The following SCAMP1 variants were observed in gnomAD, a reference collection of about 807,000 sequenced individuals.
SCAMP1 encodes the protein secretory carrier membrane protein 1.
Under a neutral mutation model 41.8 loss-of-function variants are expected in SCAMP1, and 15 were observed. The ratio of observed to expected loss-of-function variants is 0.36; its 90% CI spans 0.24 to 0.55. SCAMP1 has a LOEUF of 0.55. Ranked by LOEUF, SCAMP1 falls within the 20% of genes least tolerant of loss-of-function variation. The probability of loss-of-function intolerance (pLI) is 0.86; values close to 1 mark genes in which losing one functional copy is unlikely to be tolerated. For synonymous variants in SCAMP1, 135 were observed against 136.8 expected, an observed-to-expected ratio of 0.99 and a Z score of 0.09; for missense variants, 341 against 412.6, an observed-to-expected ratio of 0.83 and a Z score of 1.50.
intron 8 of SCAMP1, among the ~76,000 whole-genome samples, chr5:78,460,804 C>CTTT (rs1338982922): frequency 2.0e-4 from 5 of 24,764 alleles, no homozygotes; most frequent in South Asian, 1.9e-3. Context: ...TTCCTTCCTT[C>CTTT]CTCCCTTCCT....
At chr5:78,452,620 G>T in intron 7 of SCAMP1, among the ~76,000 whole-genome samples, 1 of 150,820 alleles carries the variant, frequency 6.6e-6, no homozygotes, top group Non-Finnish European at 1.5e-5. Context: ...CCAAGTCTTT[G>T]CCATTGTGAA....
At chr5:78,439,887 C>T (rs1482062462) in intron 6 of SCAMP1, among the ~76,000 whole-genome samples, 1 of 152,134 alleles carries the variant, frequency 6.6e-6, no homozygotes, top group Non-Finnish European at 1.5e-5. Context: ...CACATAGTCC[C>T]ATGTTTCTTG....
At chr5:78,396,368 C>G (rs919708135) in intron 2 of SCAMP1, among the ~76,000 whole-genome samples, 4 of 152,178 alleles carry the variant, frequency 2.6e-5, no homozygotes, top group African/African-American at 9.6e-5. Flanking sequence ...TATGGAAAAT[C>G]TCTGTACCTT....
chr5:78,377,289 C>G (rs757476245), intron 1 of SCAMP1, among the ~76,000 whole-genome samples: 4 of 152,198 alleles, frequency 2.6e-5, no homozygotes, highest in African/African-American at 2.4e-5. Context: ...CTGCTGCTCT[C>G]TGCTCCCTTT....
intron 6 of SCAMP1, among the ~76,000 whole-genome samples, chr5:78,441,924 C>T (rs1752933428): frequency 6.6e-6 from 1 of 152,144 alleles, no homozygotes; most frequent in Non-Finnish European, 1.5e-5. Context: ...GAGCTTGGTG[C>T]TCGAGACCAG....
chr5:78,423,313 A>C (rs1367820760), intron 6 of SCAMP1, among the ~76,000 whole-genome samples: 1 of 152,218 alleles, frequency 6.6e-6, no homozygotes, highest in African/African-American at 2.4e-5. Flanking sequence ...CTTCTCCTGT[A>C]GAGATGGGTT....
chr5:78,462,848 G>A (rs1016944101), intron 8 of SCAMP1, among the ~76,000 whole-genome samples: 6 of 152,052 alleles, frequency 3.9e-5, no homozygotes, highest in African/African-American at 1.2e-4. Flanking sequence ...TATTTTATAT[G>A]TATTCAAACA....
intron 1 of SCAMP1, among the ~76,000 whole-genome samples, chr5:78,374,873 T>G (rs1302612744): frequency 1.3e-5 from 2 of 152,134 alleles, no homozygotes; most frequent in African/African-American, 2.4e-5. Context: ...CATGATTTAT[T>G]GAATAATTCC....
intron 8 of SCAMP1, among the ~76,000 whole-genome samples, chr5:78,469,175 C>T (rs913578961): frequency 1.2e-4 from 19 of 152,092 alleles, no homozygotes; most frequent in Admixed American, 1.0e-3. Context: ...TTGTCTCTTC[C>T]ACTTTGTAAC....
At chr5:78,449,374 TA>T (rs1321009089) in intron 6 of SCAMP1, among the ~76,000 whole-genome samples, 1 of 151,976 alleles carries the variant, frequency 6.6e-6, no homozygotes, top group African/African-American at 2.4e-5. Context: ...CTGTGCTGAG[TA>T]AAATAAGCCA....
intron 1 of SCAMP1, among the ~76,000 whole-genome samples, chr5:78,377,440 AT>A (rs1751093667): frequency 6.6e-6 from 1 of 152,176 alleles, no homozygotes; most frequent in African/African-American, 2.4e-5. Context: ...GATTGGATTG[AT>A]TAGCAGTTAG....
At chr5:78,419,390 A>C (rs149534607) in intron 5 of SCAMP1, among the ~76,000 whole-genome samples, 1 of 152,326 alleles carries the variant, frequency 6.6e-6, no homozygotes, top group African/African-American at 2.4e-5. Context: ...CAATTGCGAT[A>C]CTTTTATTAT....
chr5:78,480,468 C>A lies in SCAMP1; in HGVS notation c.*4800C>A, dbSNP rs187629424. ...TATGCCAGTGATTCTCAAGATAAAT[C>A]ATGATTGTAGTAGTTGTTACTGTTG... On this transcript the variant is annotated 3_prime_UTR_variant, in exon 9 of 9. Transcript: ENST00000621999. Among the ~76,000 whole-genome samples, 1 of 152,146 alleles carries A rather than the reference C, an allele frequency of 6.6e-6. No homozygotes were observed. Among genetic ancestry groups the A allele is most frequent in the Non-Finnish European group, 1.5e-5 (1 of 68,028 alleles).
chr5:78,425,234 A>T (rs1172203875), intron 6 of SCAMP1, among the ~76,000 whole-genome samples: 1 of 152,212 alleles, frequency 6.6e-6, no homozygotes, highest in Non-Finnish European at 1.5e-5. Flanking sequence ...CTTTTTAATT[A>T]TGATGTATTT....
chr5:78,434,963 G>C (rs936458342), intron 6 of SCAMP1, among the ~76,000 whole-genome samples: 1 of 152,152 alleles, frequency 6.6e-6, no homozygotes, highest in African/African-American at 2.4e-5. Flanking sequence ...GTACACATCT[G>C]ATTTTTAAAA....
At chr5:78,412,132 A>T (rs922302732) in intron 2 of SCAMP1, among the ~76,000 whole-genome samples, 2 of 152,016 alleles carry the variant, frequency 1.3e-5, no homozygotes, top group African/African-American at 2.4e-5. Flanking sequence ...ACCTAGTGAA[A>T]TGTATTAACT....
In SCAMP1 at chr5:78,477,273, A is replaced by C. The variant is rs1220113212; in HGVS notation, c.*1605A>C. The C allele has an allele frequency of 6.6e-6, 1 of 152,072 alleles. No individual in the cohort carries two copies. Among genetic ancestry groups the C allele is most frequent in the African/African-American group, 2.4e-5 (1 of 41,420 alleles). 9.4% of individuals were successfully genotyped at this position (152,072 alleles called of 1,614,324 possible). ...TCCAGATGGTGTTTACATTTGATTTATTTGGGATCTTATTGACATCAGGTA... is the reference window on the plus strand; with the variant it reads ...TCCAGATGGTGTTTACATTTGATTTCTTTGGGATCTTATTGACATCAGGTA... On this transcript the variant is annotated 3_prime_UTR_variant, in exon 9 of 9. Coordinates refer to ENST00000621999, the MANE Select transcript of SCAMP1 (RefSeq NM_004866.6).
chr5:78,382,382 T>C (rs1751225221), intron 1 of SCAMP1, among the ~76,000 whole-genome samples: 1 of 152,204 alleles, frequency 6.6e-6, no homozygotes, highest in African/African-American at 2.4e-5. Context: ...ATATACTTTA[T>C]ACACACACAT....
chr5:78,463,897 A>G (rs1753677065), intron 8 of SCAMP1, among the ~76,000 whole-genome samples: 1 of 152,100 alleles, frequency 6.6e-6, no homozygotes, highest in South Asian at 2.1e-4. Context: ...CACTTATTGA[A>G]TACCTACTAA....
Sources: allele counts gnomAD v4.1 joint callset (sites outside exome capture counted in the v4.1 genomes callset), GRCh38; gene constraint gnomAD v4.1.1; transcripts MANE v1.5; gene names NCBI Gene and HGNC (gene_info 2026-07-23, HGNC 2026-07-21).